The following SUGCT variants were observed in gnomAD, a reference collection of about 807,000 sequenced individuals.
SUGCT encodes succinyl-CoA:glutarate CoA-transferase.
In SUGCT, 41 loss-of-function variants were observed where a neutral mutation model predicts 55.0. The ratio of observed to expected loss-of-function variants is 0.74; its 90% CI spans 0.58 to 0.97. SUGCT has a LOEUF of 0.97. Among genes scored for constraint, SUGCT ranks in the 50% least tolerant of loss-of-function variants. SUGCT has a pLI of 0.00. For synonymous variants in SUGCT, 187 were observed against 200.4 expected (o/e 0.93, Z 0.56); for missense variants, 568 against 547.8 (o/e 1.04, Z -0.37).
chr7:40,421,540 C>A (rs1250778584), intron 9 of SUGCT, among the ~76,000 whole-genome samples: 1 of 152,146 alleles, frequency 6.6e-6, no homozygotes, highest in Non-Finnish European at 1.5e-5. Flanking sequence ...TGCCATTTAT[C>A]CCTTCAACAA....
chr7:40,674,452 A>C lies in SUGCT; in HGVS notation c.1090-74982A>C, dbSNP rs539936002. Among the ~76,000 whole-genome samples the C allele has an allele frequency of 6.6e-5, 10 of 152,330 alleles. No individual in the cohort carries two copies. In the South Asian group the frequency reaches 1.7e-3, roughly 25 times the overall value. On this transcript the variant is annotated intron_variant, in intron 12 of 13. Transcript: ENST00000335693. ...TCCCTGGCTCTCTACTGAAATACTC[A>C]TGAAGACATTTAAAAAGGCAAAACA...
At chr7:40,136,879 C>G (rs553391017) in intron 1 of SUGCT, among the ~76,000 whole-genome samples, 18 of 152,142 alleles carry the variant, frequency 1.2e-4, no homozygotes, top group African/African-American at 4.3e-4. Flanking sequence ...CGCCTGTAGT[C>G]CCAGTTGCTT....
At chr7:40,309,859 A>C (rs904692460) in intron 8 of SUGCT, among the ~76,000 whole-genome samples, 5 of 148,730 alleles carry the variant, frequency 3.4e-5, no homozygotes, top group African/African-American at 1.2e-4. Flanking sequence ...TCAACAACAA[A>C]AAAGTGGTAT....
At chr7:40,723,383 T>C (rs1786450963) in intron 12 of SUGCT, among the ~76,000 whole-genome samples, 1 of 152,182 alleles carries the variant, frequency 6.6e-6, no homozygotes, top group African/African-American at 2.4e-5. Context: ...AGCAGTGTTC[T>C]TCTCTTTCTC....
At chr7:40,692,429 A>G (rs1468118965) in intron 12 of SUGCT, among the ~76,000 whole-genome samples, 2 of 152,230 alleles carry the variant, frequency 1.3e-5, no homozygotes, top group Non-Finnish European at 2.9e-5. Context: ...TAAGAACAAC[A>G]GAAGCAAAAT....
At chr7:40,424,874 A>T (rs1007615524) in intron 9 of SUGCT, among the ~76,000 whole-genome samples, 4 of 152,092 alleles carry the variant, frequency 2.6e-5, no homozygotes, top group African/African-American at 9.7e-5. Context: ...GAAGAATAAG[A>T]TTATGTATGT....
the SUGCT span, among the ~76,000 whole-genome samples, chr7:41,004,892 G>A: frequency 6.6e-6 from 1 of 152,170 alleles, no homozygotes; most frequent in Non-Finnish European, 1.5e-5. Flanking sequence ...CCCAAGATAT[G>A]GCAGGAAGTT....
intron 6 of SUGCT, chr7:40,217,591 C>A (rs866227008): frequency 3.5e-6 from 1 of 284,554 alleles, no homozygotes; most frequent in Admixed American, 4.7e-5. Flanking sequence ...CATGTTGTGC[C>A]TTTCTCCCCA....
intron 7 of SUGCT, among the ~76,000 whole-genome samples, chr7:40,240,028 CATT>C (rs1379102655): frequency 7.9e-5 from 12 of 152,112 alleles, no homozygotes; most frequent in Non-Finnish European, 1.2e-4. Flanking sequence ...GGAAAACAAA[CATT>C]AGCAGAAAAT....
chr7:40,847,059 G>T (rs948345218), intron 13 of SUGCT, among the ~76,000 whole-genome samples: 1 of 152,158 alleles, frequency 6.6e-6, no homozygotes, highest in Non-Finnish European at 1.5e-5. Flanking sequence ...CCATTTCAAA[G>T]TATTTGGAAT....
intron 11 of SUGCT, among the ~76,000 whole-genome samples, chr7:40,487,078 CTTTTTTTTTTT>C (rs745766266): frequency 0.031 from 2,956 of 93,930 alleles, 59 homozygotes; most frequent in Middle Eastern, 0.07. Context: ...TGATTTCAAT[CTTTTTTTTTTT>C]TTTTTTTTTT....
intron 8 of SUGCT, among the ~76,000 whole-genome samples, chr7:40,314,594 C>T (rs368294146): frequency 6.0e-5 from 7 of 116,496 alleles, no homozygotes; most frequent in South Asian, 3.0e-4. Flanking sequence ...GACAGAGTTT[C>T]GCTCTCGTTG....
rs1239154740 is a variant in SUGCT, at chr7:40,317,893, T to A, written c.816+1038T>A. 2.0e-5 allele frequency among the ~76,000 whole-genome samples: 3 copies of A among 152,234 alleles called. No individual in the cohort carries two copies. In the South Asian group the frequency reaches 6.2e-4, roughly 31 times the overall value. On this transcript the variant is annotated intron_variant, in intron 9 of 13. Coordinates refer to ENST00000335693, the MANE Select transcript of SUGCT (RefSeq NM_001193313.2). ...CTGAGGCATTACTGTGATTTCACTG[T>A]AGCACTGCTTTTCAACACATTGAGT...
At chr7:40,560,583 G>A (rs1795784146) in intron 12 of SUGCT, among the ~76,000 whole-genome samples, 2 of 152,110 alleles carry the variant, frequency 1.3e-5, no homozygotes, top group Admixed American at 1.3e-4. Context: ...AATACTCCAA[G>A]GATCTTAGAG....
At chr7:40,439,950 A>G (rs912318233) in intron 9 of SUGCT, among the ~76,000 whole-genome samples, 1 of 152,138 alleles carries the variant, frequency 6.6e-6, no homozygotes, top group Non-Finnish European at 1.5e-5. Context: ...CTTTGTAGGC[A>G]TTCTTCAGTC....
chr7:40,483,004 C>CT (rs1360603158), intron 11 of SUGCT, among the ~76,000 whole-genome samples: 1 of 152,090 alleles, frequency 6.6e-6, no homozygotes, highest in East Asian at 1.9e-4. Flanking sequence ...GAAAAGATAA[C>CT]TTTAACCATA....
the SUGCT span, among the ~76,000 whole-genome samples, chr7:40,890,380 T>TA: frequency 6.7e-6 from 1 of 149,454 alleles, no homozygotes; most frequent in Non-Finnish European, 1.5e-5. Context: ...TATATTAATA[T>TA]TTGGGCTTTC....
chr7:40,204,239 C>T (rs1786805698), intron 6 of SUGCT, among the ~76,000 whole-genome samples: 2 of 151,892 alleles, frequency 1.3e-5, no homozygotes, highest in Admixed American at 1.3e-4. Flanking sequence ...GATCCTCCTG[C>T]CTTGGTCCCC....
Position 40,766,798 on chromosome 7 carries a change from C to A in SUGCT, c.1153+17301C>A, listed in dbSNP as rs566206514. 4.4e-4 allele frequency among the ~76,000 whole-genome samples: 67 copies of A among 152,182 alleles called. No individual in the cohort carries two copies. The South Asian group carries it at 0.01, about 24-fold the overall frequency. On this transcript the variant is annotated intron_variant, in intron 13 of 13. Coordinates refer to ENST00000335693, the MANE Select transcript of SUGCT (RefSeq NM_001193313.2). ...GCAGTTTGAGGTGGATATGTGTTCA[C>A]GTGACATATTTTGAAATTCCAAGTC...
Sources: allele counts gnomAD v4.1 joint callset (sites outside exome capture counted in the v4.1 genomes callset), GRCh38; gene constraint gnomAD v4.1.1; transcripts MANE v1.5; gene names NCBI Gene and HGNC (gene_info 2026-07-23, HGNC 2026-07-21).